Variants in MLXIPL observed in about 807,000 individuals in gnomAD.
The protein encoded by MLXIPL is carbohydrate-responsive element-binding protein.
MLXIPL carries 49 observed loss-of-function variants against 81.5 expected under a neutral mutation model. The ratio of observed to expected loss-of-function variants is 0.60; its 90% CI spans 0.48 to 0.76. The LOEUF is 0.76. Among genes scored for constraint, MLXIPL ranks in the 30% least tolerant of loss-of-function variants. The pLI is 0.00. For synonymous variants in MLXIPL, 466 were observed against 485.5 expected (o/e 0.96, Z 0.53); for missense variants, 1,053 against 1,167.0 (o/e 0.90, Z 1.42).
Position 73,594,405 on chromosome 7 carries a change from TG to T in MLXIPL, c.2311-3del. The T allele has an allele frequency of 6.2e-7, 1 of 1,601,498 alleles. No homozygotes were observed. ...CAGAGGCCGGATGAGGATGCTGAAC[TG>T]GGCCCAGGTCAAGGAGCTGCCTGTG... On this transcript the variant is annotated splice_region_variant and splice_polypyrimidine_tract_variant and intron_variant, in intron 15 of 16. Coordinates refer to ENST00000313375, the MANE Select transcript of MLXIPL (RefSeq NM_032951.3).
rs1794011278 is a variant in MLXIPL at position 73,593,481 on chromosome 7, A to G, written c.*384T>C. On this transcript the variant is annotated 3_prime_UTR_variant, in exon 17 of 17. Transcript: ENST00000313375. ...GAGCAAGTGGAGGTGACAGAGAAAC[A>G]GCATCCTCCTCTTTCCACCGTTGAG... is the stretch of plus-strand genomic sequence containing the variant. The G allele has an allele frequency of 6.6e-6, 2 of 303,570 alleles. No individual in the cohort carries two copies. Among genetic ancestry groups the G allele is most frequent in the Non-Finnish European group, 1.3e-5 (2 of 152,882 alleles). 18.8% of individuals were successfully genotyped at this position (303,570 alleles called of 1,614,324 possible).
intron 7 of MLXIPL, among the ~76,000 whole-genome samples, chr7:73,603,090 G>T (rs1554596841): frequency 6.6e-6 from 1 of 152,064 alleles, no homozygotes; most frequent in East Asian, 1.9e-4. Flanking sequence ...GCCTCCCTGA[G>T]CACCCCTCAC....
the MLXIPL span, among the ~76,000 whole-genome samples, chr7:73,646,725 G>A: frequency 2.6e-5 from 4 of 152,128 alleles, no homozygotes; most frequent in African/African-American, 9.7e-5. Flanking sequence ...AGCTTCCCTG[G>A]GGCGGACCTG....
In MLXIPL at chr7:73,616,067, T is replaced by C; in HGVS notation, c.400+4A>G. The C allele has an allele frequency of 6.2e-7, 1 of 1,612,594 alleles. No homozygotes were observed. The highest frequency in any genetic ancestry group is 8.5e-7 in the Non-Finnish European group (1 of 1,178,708). On this transcript the variant is annotated splice_donor_region_variant and intron_variant, in intron 2 of 16. Coordinates refer to ENST00000313375, the MANE Select transcript of MLXIPL (RefSeq NM_032951.3). ...GGCTTGGGAGGCTGGTGGTAGCCAC[T>C]CACACTGGATATACCAGGCCCTCCA...
chr7:73,625,559 C>G (rs533016307), upstream of MLXIPL, among the ~76,000 whole-genome samples: 1 of 152,250 alleles, frequency 6.6e-6, no homozygotes, highest in East Asian at 1.9e-4. Context: ...GAGTTCGAAA[C>G]CAGCCTGGCT....
chr7:73,602,442 G>A (rs569838925), intron 7 of MLXIPL, among the ~76,000 whole-genome samples: 21 of 151,192 alleles, frequency 1.4e-4, no homozygotes, highest in African/African-American at 4.6e-4. Context: ...AGGCTGAGGT[G>A]GACGGATCAC....
At chr7:73,641,903 G>C in the MLXIPL span, among the ~76,000 whole-genome samples, 1 of 152,012 alleles carries the variant, frequency 6.6e-6, no homozygotes. Context: ...CAAAGTGCTG[G>C]GATTACAGAC....
chr7:73,643,377 G>T, the MLXIPL span, among the ~76,000 whole-genome samples: 2 of 152,160 alleles, frequency 1.3e-5, no homozygotes, highest in African/African-American at 4.8e-5. Context: ...GGCCGGGCAT[G>T]GTGGCGGGTG....
At chr7:73,601,556 C>T (rs545099681) in intron 7 of MLXIPL, among the ~76,000 whole-genome samples, 2 of 152,090 alleles carry the variant, frequency 1.3e-5, no homozygotes, top group East Asian at 3.9e-4. Flanking sequence ...AGTTAGCCAC[C>T]GTGCCTTGCT....
chr7:73,605,564 A>C, intron 7 of MLXIPL, 124 bp downstream of exon 7: 1 of 836,810 alleles, frequency 1.2e-6, no homozygotes, highest in Non-Finnish European at 1.9e-6. Flanking sequence ...TAAATAAATA[A>C]AAAGACAGAA....
chr7:73,618,967 A>C (rs1796156771), intron 1 of MLXIPL, among the ~76,000 whole-genome samples: 1 of 152,148 alleles, frequency 6.6e-6, no homozygotes, highest in African/African-American at 2.4e-5. Flanking sequence ...GGAGGAAGAA[A>C]AGGATTTGGG....
At chr7:73,602,163 CCTTT>C (rs1371334920) in intron 7 of MLXIPL, among the ~76,000 whole-genome samples, 23 of 148,342 alleles carry the variant, frequency 1.6e-4, no homozygotes, top group Admixed American at 2.7e-4. Context: ...TTCCTTCCTT[CCTTT>C]CTTTCCCTCT....
Position 73,594,269 on chromosome 7 carries a change from C to A in MLXIPL, c.2440+5G>T. The A allele has an allele frequency of 1.2e-6, 2 of 1,611,838 alleles. No individual in the cohort carries two copies. The highest frequency in any genetic ancestry group is 1.7e-6 in the Non-Finnish European group (2 of 1,180,000). On this transcript the variant is annotated splice_donor_5th_base_variant and intron_variant, in intron 16 of 16. Transcript: ENST00000313375. ...CTCTAGCAGGCAGGGAGATGGCTCA[C>A]GTACTTGGCCGGAGAGCGGGCAGAG...
At chr7:73,618,729 G>A (rs576990980) in intron 1 of MLXIPL, among the ~76,000 whole-genome samples, 4 of 151,922 alleles carry the variant, frequency 2.6e-5, no homozygotes, top group South Asian at 2.1e-4. Context: ...AGGTGGGGGT[G>A]GGGGGAGACT....
chr7:73,617,571 G>A (rs973088736), intron 1 of MLXIPL, among the ~76,000 whole-genome samples: 24 of 152,128 alleles, frequency 1.6e-4, no homozygotes, highest in African/African-American at 5.3e-4. Context: ...TGGGCTGGGC[G>A]CGGTAGCTCA....
chr7:73,626,628 A>C (rs1563522473), upstream of MLXIPL, among the ~76,000 whole-genome samples: 2 of 152,184 alleles, frequency 1.3e-5, no homozygotes, highest in Non-Finnish European at 2.9e-5. Flanking sequence ...ACCTCACTGG[A>C]GCGTTTAACT....
intron 1 of MLXIPL, among the ~76,000 whole-genome samples, chr7:73,617,966 C>CCCCCTGCTAGTCTCTCCCTCCCTCTT: frequency 6.6e-6 from 1 of 152,178 alleles, no homozygotes; most frequent in Non-Finnish European, 1.5e-5. Context: ...GGGTCTTAGA[C>CCCCCTGCTAGTCTCTCCCTCCCTCTT]CCCCTGCTAG....
intron 7 of MLXIPL, among the ~76,000 whole-genome samples, chr7:73,602,816 G>A (rs72649020): frequency 1.4e-4 from 21 of 152,322 alleles, no homozygotes; most frequent in African/African-American, 1.4e-4. Flanking sequence ...GCCCCAGGCC[G>A]CTGAGGGCCT....
At position 73,599,466 on chromosome 7, in the gene MLXIPL, C is replaced by T. The variant is rs80108753; in HGVS notation, c.1071+60G>A. 1.2e-4 allele frequency: 190 copies of T among 1,592,040 alleles called. No homozygotes were observed. In the East Asian group the frequency reaches 4.1e-3, roughly 35 times the overall value. On this transcript the variant is annotated intron_variant, in intron 8 of 16. Transcript: ENST00000313375. ...GTGTCTGATACCTCCTGGACATGAACAGGGCAGGAACAGCTCTCAAGTGAG... is the reference window on the plus strand; with the variant it reads ...GTGTCTGATACCTCCTGGACATGAATAGGGCAGGAACAGCTCTCAAGTGAG...
Sources: allele counts gnomAD v4.1 joint callset (sites outside exome capture counted in the v4.1 genomes callset), GRCh38; gene constraint gnomAD v4.1.1; transcripts MANE v1.5; gene names NCBI Gene and HGNC (gene_info 2026-07-23, HGNC 2026-07-21).